GRIK2: variants seen among roughly 807,000 people sequenced by gnomAD.
GRIK2 encodes the protein glutamate receptor ionotropic, kainate 2.
In GRIK2, 32 loss-of-function variants were observed where a neutral mutation model predicts 100.3. The ratio of observed to expected loss-of-function variants is 0.32; its 90% CI spans 0.24 to 0.43. The LOEUF (loss-of-function observed/expected upper bound fraction) is 0.43, where lower values mean the gene tolerates loss of function less well. Among genes scored for constraint, GRIK2 ranks in the 20% least tolerant of loss-of-function variants. GRIK2 has a pLI of 1.00. For synonymous variants in GRIK2, 417 were observed against 389.4 expected (o/e 1.07, Z -0.83); for missense variants, 843 against 1,114.9 (o/e 0.76, Z 3.47).
At chr6:101,517,856 G>GT (rs1267868885) in intron 2 of GRIK2, among the ~76,000 whole-genome samples, 3 of 152,110 alleles carry the variant, frequency 2.0e-5, no homozygotes, top group African/African-American at 7.2e-5. Context: ...TAGGCTAACG[G>GT]TATTTTAAAA....
chr6:101,860,523 C>T (rs974773883), intron 11 of GRIK2, among the ~76,000 whole-genome samples: 3 of 152,012 alleles, frequency 2.0e-5, no homozygotes, highest in South Asian at 4.2e-4. Flanking sequence ...AGTTTTCAGC[C>T]CTATGGCATC....
At chr6:101,623,258 G>A (rs1489030028) in intron 3 of GRIK2, among the ~76,000 whole-genome samples, 1 of 152,010 alleles carries the variant, frequency 6.6e-6, no homozygotes, top group East Asian at 1.9e-4. Context: ...CAGCAGCTAA[G>A]TAGTGTTTAT....
chr6:101,955,460 T>C (rs1791856353), intron 14 of GRIK2, among the ~76,000 whole-genome samples: 2 of 151,966 alleles, frequency 1.3e-5, no homozygotes, highest in East Asian at 1.9e-4. Flanking sequence ...AAAGCTACCA[T>C]AGGCAACAAA....
chr6:101,817,459 T>A (rs1583204143), intron 9 of GRIK2, among the ~76,000 whole-genome samples: 1 of 152,242 alleles, frequency 6.6e-6, no homozygotes, highest in East Asian at 1.9e-4. Flanking sequence ...AATTTTGTTA[T>A]TGATTACTCC....
intron 2 of GRIK2, among the ~76,000 whole-genome samples, chr6:101,510,614 C>T (rs1239620717): frequency 7.0e-6 from 1 of 142,500 alleles, no homozygotes; most frequent in Non-Finnish European, 1.5e-5. Flanking sequence ...CCTCTTCCTC[C>T]TGGGTTCAAG....
intron 7 of GRIK2, among the ~76,000 whole-genome samples, chr6:101,724,911 TG>T (rs1554254125): frequency 6.6e-6 from 1 of 152,048 alleles, no homozygotes; most frequent in Non-Finnish European, 1.5e-5. Flanking sequence ...CCTTACCCCA[TG>T]GGTATCTCAC....
chr6:101,520,067 A>G (rs1032686522), intron 2 of GRIK2, among the ~76,000 whole-genome samples: 7 of 152,104 alleles, frequency 4.6e-5, no homozygotes, highest in Non-Finnish European at 1.0e-4. Context: ...CAAAGACCCT[A>G]AGGGCATTCC....
At chr6:101,785,954 A>G (rs1007197282) in intron 7 of GRIK2, among the ~76,000 whole-genome samples, 4 of 152,106 alleles carry the variant, frequency 2.6e-5, no homozygotes, top group African/African-American at 9.7e-5. Context: ...ATACATGAGC[A>G]TGGTCTTTTC....
At chr6:101,463,687 C>G (rs1177098467) in intron 2 of GRIK2, among the ~76,000 whole-genome samples, 1 of 152,096 alleles carries the variant, frequency 6.6e-6, no homozygotes, top group African/African-American at 2.4e-5. Context: ...GACGTTGCCT[C>G]TATCCAAGGA....
chr6:101,587,401 C>CGT (rs1283376598), intron 2 of GRIK2, among the ~76,000 whole-genome samples: 4 of 150,166 alleles, frequency 2.7e-5, no homozygotes, highest in African/African-American at 1.0e-4. Context: ...TCTGTCTGTC[C>CGT]CTCCGTCCAT....
chr6:101,559,232 T>G (rs1017757857), intron 2 of GRIK2, among the ~76,000 whole-genome samples: 9 of 152,276 alleles, frequency 5.9e-5, no homozygotes, highest in Non-Finnish European at 1.2e-4. Flanking sequence ...AAAATATAGT[T>G]TAAGTAAATA....
chr6:101,863,323 T>G (rs934007504), intron 11 of GRIK2, among the ~76,000 whole-genome samples: 2 of 152,200 alleles, frequency 1.3e-5, no homozygotes, highest in African/African-American at 4.8e-5. Flanking sequence ...AATTTCTTTT[T>G]CATAGTCCCC....
At chr6:101,606,896 C>CT (rs1378092467) in intron 2 of GRIK2, among the ~76,000 whole-genome samples, 1 of 151,956 alleles carries the variant, frequency 6.6e-6, no homozygotes, top group Admixed American at 6.6e-5. Flanking sequence ...CATAAATAAC[C>CT]TTTTCTAGCT....
At chr6:101,700,954 C>T (rs865800280) in intron 7 of GRIK2, among the ~76,000 whole-genome samples, 17 of 152,194 alleles carry the variant, frequency 1.1e-4, no homozygotes, top group South Asian at 2.1e-4. Context: ...GCTTAGGTGA[C>T]TAGGAAGACT....
At chr6:101,963,279 T>A (rs1446117801) in intron 14 of GRIK2, among the ~76,000 whole-genome samples, 19 of 14,102 alleles carry the variant, frequency 1.3e-3, no homozygotes, top group Non-Finnish European at 2.6e-3. Context: ...TTATTTAGGA[T>A]TTTTTTTTTT....
At chr6:101,405,160 A>G (rs1035909097) in intron 2 of GRIK2, among the ~76,000 whole-genome samples, 1 of 152,212 alleles carries the variant, frequency 6.6e-6, no homozygotes, top group African/African-American at 2.4e-5. Flanking sequence ...GGCAAGGCAG[A>G]TTAGCACTAT....
chr6:101,466,159 A>G (rs1771634666), intron 2 of GRIK2, among the ~76,000 whole-genome samples: 1 of 152,158 alleles, frequency 6.6e-6, no homozygotes, highest in Admixed American at 6.5e-5. Flanking sequence ...TTTCTGGGTC[A>G]TGGTCTCTTC....
chr6:101,666,956 T>G (rs1258276876), intron 4 of GRIK2, among the ~76,000 whole-genome samples: 2 of 152,166 alleles, frequency 1.3e-5, no homozygotes, highest in African/African-American at 2.4e-5. Context: ...TTTGTTCATT[T>G]GATTTTTCCT....
chr6:101,828,634 A>G (rs1393768292), intron 10 of GRIK2, among the ~76,000 whole-genome samples: 1 of 151,936 alleles, frequency 6.6e-6, no homozygotes, highest in African/African-American at 2.4e-5. Flanking sequence ...TGAGACTACT[A>G]TGAACATCAC....
Sources: allele counts gnomAD v4.1 joint callset (sites outside exome capture counted in the v4.1 genomes callset), GRCh38; gene constraint gnomAD v4.1.1; transcripts MANE v1.5; gene names NCBI Gene and HGNC (gene_info 2026-07-23, HGNC 2026-07-21).